The following FAF2 variants were observed in gnomAD, a reference collection of about 807,000 sequenced individuals.
FAF2 encodes the protein Fas associated factor family member 2, also known as FAS-associated factor 2.
A neutral mutation model predicts 62.3 loss-of-function variants in FAF2; 9 were observed. The ratio of observed to expected loss-of-function variants is 0.14; its 90% CI spans 0.09 to 0.25. The LOEUF (loss-of-function observed/expected upper bound fraction) is 0.25, where lower values mean the gene tolerates loss of function less well. Among genes scored for constraint, FAF2 ranks in the 10% least tolerant of loss-of-function variants. The pLI, the probability that FAF2 is intolerant of heterozygous loss-of-function variation, is 1.00. For synonymous variants in FAF2, 202 were observed against 198.0 expected (o/e 1.02, Z -0.17); for missense variants, 368 against 556.2 (o/e 0.66, Z 3.40).
chr5:176,466,560 T>C (rs1758472534), intron 1 of FAF2, among the ~76,000 whole-genome samples: 1 of 152,246 alleles, frequency 6.6e-6, no homozygotes, highest in Admixed American at 6.5e-5. Flanking sequence ...CCTATCCAAA[T>C]AGCTGTTTGA....
At chr5:176,503,047 C>CA (rs201779398) in intron 10 of FAF2, among the ~76,000 whole-genome samples, 84 of 140,094 alleles carry the variant, frequency 6.0e-4, no homozygotes, top group South Asian at 4.2e-3. Flanking sequence ...GGCTGTGTCT[C>CA]AAAAAAAAAA....
chr5:176,464,745 GT>G (rs1162480070), intron 1 of FAF2, among the ~76,000 whole-genome samples: 110 of 140,230 alleles, frequency 7.8e-4, no homozygotes, highest in Non-Finnish European at 7.5e-4. Context: ...AGGGATATTA[GT>G]TTTTTTTTTT....
At chr5:176,499,173 A>T in intron 9 of FAF2, 88 bp downstream of exon 9, 1 of 1,291,870 alleles carries the variant, frequency 7.7e-7, no homozygotes, top group Non-Finnish European at 1.0e-6. Context: ...AAAAAATGAT[A>T]GCCACCTTAA....
intron 1 of FAF2, among the ~76,000 whole-genome samples, chr5:176,478,953 C>G (rs1310482278): frequency 1.3e-5 from 2 of 152,152 alleles, no homozygotes; most frequent in Non-Finnish European, 2.9e-5. Context: ...TTAGTCAGTA[C>G]TCCTCTTAAT....
At chr5:176,496,930 G>A (rs528735418) in intron 8 of FAF2, 23 of 232,096 alleles carry the variant, frequency 9.9e-5, no homozygotes, top group African/African-American at 4.3e-4. Context: ...GGCTGAGGCA[G>A]GAGGATTACT....
In FAF2 at chr5:176,494,522, A is replaced by G. The variant is rs1759031128; in HGVS notation, c.661+247A>G. 6.6e-6 allele frequency among the ~76,000 whole-genome samples: 1 copy of G among 152,178 alleles called. No individual in the cohort carries two copies. Among genetic ancestry groups the G allele is most frequent in the South Asian group, 2.1e-4 (1 of 4,836 alleles). ...GCCACTGGCTGAAGATCACACAATT[A>G]GCAAGTTTTATTTTTTTTGTTTTTA... On this transcript the variant is annotated intron_variant, in intron 7 of 10. Coordinates refer to ENST00000261942, the MANE Select transcript of FAF2 (RefSeq NM_014613.3). This position sits in a 1 kb window ranked among gnomAD's most constrained non-coding sequence, Gnocchi z 4.0.
intron 3 of FAF2, 144 bp from the exon 4 acceptor site, chr5:176,488,807 T>G: frequency 7.8e-6 from 5 of 642,618 alleles, no homozygotes; most frequent in East Asian, 2.7e-5. Flanking sequence ...CTTAGAAGGA[T>G]GAGGTGGCCA....
intron 10 of FAF2, among the ~76,000 whole-genome samples, chr5:176,502,151 C>T (rs190271931): frequency 1.4e-4 from 21 of 152,320 alleles, no homozygotes; most frequent in African/African-American, 2.9e-4. Context: ...CGTTAATTTC[C>T]TTCCCCTGGT....
chr5:176,506,857 C>A lies in FAF2; in HGVS notation c.1245C>A (p.Ile415=). The A allele has an allele frequency of 6.2e-7, 1 of 1,614,070 alleles. No individual in the cohort carries two copies. The highest frequency in any genetic ancestry group is 8.5e-7 in the Non-Finnish European group (1 of 1,179,984). Residue 415 remains isoleucine, a synonymous_variant, in exon 11 of 11, where the codon ATC becomes ATA. Transcript: ENST00000261942. The part of the protein sequence containing the change: ...ANFPRRVLPC[I]PSEEWPNPPT... ...TTCCCAGGCGAGTGCTGCCCTGCAT[C>A]CCTTCAGAGGAGTGGCCCAATCCCC...
chr5:176,473,345 G>A (rs1321006285), intron 1 of FAF2, among the ~76,000 whole-genome samples: 1 of 152,146 alleles, frequency 6.6e-6, no homozygotes, highest in Non-Finnish European at 1.5e-5. Flanking sequence ...TCATAATTGG[G>A]GCTGGGATTA....
In FAF2 at chr5:176,481,139, C is replaced by T. The variant is rs191341482; in HGVS notation, c.132+1883C>T. The stretch of plus-strand genomic sequence containing the variant: ...TTGGCTCACTGCAACCTCCGCCTCC[C>T]GGGTTCAAGCAATTCTCCTGCCTCA... On this transcript the variant is annotated intron_variant, in intron 2 of 10. Transcript: ENST00000261942. Among the ~76,000 whole-genome samples, 261 of 151,612 alleles carry T rather than the reference C, an allele frequency of 1.7e-3. 2 individuals are homozygous for T. Among genetic ancestry groups the T allele is most frequent in the African/African-American group, 6.1e-3 (254 of 41,386 alleles).
chr5:176,496,468 G>A lies in FAF2; in HGVS notation c.662-18G>A, dbSNP rs148889879. 4.5e-6 allele frequency: 7 copies of A among 1,552,072 alleles called. No homozygotes were observed. Among genetic ancestry groups the A allele is most frequent in the Admixed American group, 3.9e-5 (2 of 50,874 alleles). ...CACCGTCAAGTCCTGCCCTTGATCTGTTGGGTCTTTTTATCAGTCTCACAG... is the reference window on the plus strand; with the variant it reads ...CACCGTCAAGTCCTGCCCTTGATCTATTGGGTCTTTTTATCAGTCTCACAG... On this transcript the variant is annotated intron_variant, in intron 7 of 10. Transcript: ENST00000261942.
In FAF2 at chr5:176,507,287, T is replaced by G; in HGVS notation, c.*337T>G. The G allele has an allele frequency of 2.2e-6, 1 of 454,346 alleles. No individual in the cohort carries two copies. The highest frequency in any genetic ancestry group is 1.6e-5 in the South Asian group (1 of 63,842). The allele number at this position is 454,346 out of a possible 1,614,324, so 28.1% of individuals were successfully genotyped here. On this transcript the variant is annotated 3_prime_UTR_variant, in exon 11 of 11. Transcript: ENST00000261942. The stretch of plus-strand genomic sequence containing the variant: ...ATTGTCCCAGCTGGGAAGGGGACAT[T>G]CCCACTAGTTCTCATTCATTCTTGC...
At chr5:176,466,778 G>A (rs1758476150) in intron 1 of FAF2, among the ~76,000 whole-genome samples, 2 of 148,532 alleles carry the variant, frequency 1.3e-5, no homozygotes, top group Admixed American at 1.3e-4. Context: ...GCAATCTCCC[G>A]TATACATTTT....
At chr5:176,491,114 C>T (rs1018688757) in intron 4 of FAF2, among the ~76,000 whole-genome samples, 2 of 152,172 alleles carry the variant, frequency 1.3e-5, no homozygotes, top group Admixed American at 1.3e-4. Flanking sequence ...ACAGTTTAAT[C>T]ACCTTGTCTG....
intron 1 of FAF2, among the ~76,000 whole-genome samples, chr5:176,463,724 GTTT>G (rs200216378): frequency 1.5e-5 from 2 of 129,526 alleles, no homozygotes. Flanking sequence ...GTTATTGCAT[GTTT>G]TTTTTTTTTT....
At chr5:176,449,046 T>C (rs1328202858) in intron 1 of FAF2, among the ~76,000 whole-genome samples, 2 of 152,216 alleles carry the variant, frequency 1.3e-5, no homozygotes, top group Non-Finnish European at 2.9e-5. Context: ...ATAAGTGTCA[T>C]CAGTGGTCTG....
chr5:176,481,204 G>A (rs900913236), intron 2 of FAF2, among the ~76,000 whole-genome samples: 5 of 152,038 alleles, frequency 3.3e-5, no homozygotes, highest in South Asian at 2.1e-4. Context: ...GCACCACCAC[G>A]CCCGGCTAAT....
intron 5 of FAF2, among the ~76,000 whole-genome samples, chr5:176,493,516 C>A (rs1286060460): frequency 1.3e-5 from 2 of 152,250 alleles, no homozygotes; most frequent in African/African-American, 2.4e-5. Context: ...CTTTAGAATG[C>A]CTTTGGATCG....
Sources: gnomAD v4.1 joint callset for allele counts (sites outside exome capture counted in the v4.1 genomes callset) on GRCh38, gnomAD v4.1.1 for gene constraint, Gnocchi (gnomAD v3.1) non-coding constraint, MANE v1.5 for transcripts, NCBI Gene and HGNC (gene_info 2026-07-23, HGNC 2026-07-21) for gene names.